Variants in PNPLA1 observed in about 807,000 individuals in gnomAD.
The protein encoded by PNPLA1 is patatin like domain 1, omega-hydroxyceramide transacylase, also known as omega-hydroxyceramide transacylase.
PNPLA1 carries 36 observed loss-of-function variants against 51.7 expected under a neutral mutation model. That is an observed-to-expected ratio of 0.70 (90% CI 0.53 to 0.92). PNPLA1 has a LOEUF of 0.92. Ranked by LOEUF, PNPLA1 falls within the 40% of genes least tolerant of loss-of-function variation. The probability of loss-of-function intolerance (pLI) is 0.00; values close to 1 mark genes in which losing one functional copy is unlikely to be tolerated. For missense variants in PNPLA1, 658 were observed against 682.5 expected (o/e 0.96, Z 0.40); for synonymous variants, 293 against 280.1 (o/e 1.05, Z -0.46).
At chr6:36,259,346 C>G (rs1304293187) in intron 1 of PNPLA1, among the ~76,000 whole-genome samples, 1 of 152,090 alleles carries the variant, frequency 6.6e-6, no homozygotes, top group East Asian at 1.9e-4. Context: ...ATCTGGGGAA[C>G]TCCTCCAAAA....
chr6:36,260,550 C>T (rs1198392224), intron 1 of PNPLA1, among the ~76,000 whole-genome samples: 2 of 152,168 alleles, frequency 1.3e-5, no homozygotes, highest in Admixed American at 1.3e-4. Flanking sequence ...CCCTACTTTC[C>T]ATCTCTTGGT....
intron 1 of PNPLA1, among the ~76,000 whole-genome samples, chr6:36,261,852 A>G (rs1400475830): frequency 6.6e-6 from 1 of 152,210 alleles, no homozygotes; most frequent in Non-Finnish European, 1.5e-5. Flanking sequence ...GTACCGCCCT[A>G]AGAAAGGCGG....
chr6:36,269,041 C>A (rs1180453684), upstream of PNPLA1, among the ~76,000 whole-genome samples: 1 of 152,200 alleles, frequency 6.6e-6, no homozygotes, highest in African/African-American at 2.4e-5. Context: ...AATGATATGC[C>A]TGGAATTACC....
chr6:36,255,115 C>G (rs548388419), intron 1 of PNPLA1, among the ~76,000 whole-genome samples: 79 of 152,284 alleles, frequency 5.2e-4, no homozygotes, highest in African/African-American at 1.7e-3. Flanking sequence ...GCCCGTAATC[C>G]CAGCACTTTG....
Position 36,270,205 on chromosome 6 carries a change from C to A in PNPLA1, c.-255C>A, listed in dbSNP as rs953140350. 6.6e-6 allele frequency among the ~76,000 whole-genome samples: 1 copy of A among 152,352 alleles called. No homozygotes were observed. The highest frequency in any genetic ancestry group is 2.1e-4 in the South Asian group (1 of 4,832). ...CAGGACCAAGACCCTGCTCACACAC[C>A]GGGGGAGCCTTCTGCATCTCATTCT... is the stretch of plus-strand genomic sequence containing the variant. On this transcript the variant is annotated 5_prime_UTR_variant, in exon 1 of 9. Transcript: ENST00000636260.
chr6:36,251,690 C>T (rs1215704655), intron 1 of PNPLA1, among the ~76,000 whole-genome samples: 3 of 152,098 alleles, frequency 2.0e-5, no homozygotes, highest in Non-Finnish European at 4.4e-5. Flanking sequence ...TAAATCCCAG[C>T]ATCTTGGGAG....
intron 2 of PNPLA1, 38 bp from the exon 3 acceptor site, chr6:36,293,023 C>G (rs368202848): frequency 1.4e-5 from 22 of 1,568,924 alleles, no homozygotes; most frequent in Non-Finnish European, 1.9e-5. Flanking sequence ...ACCCCACCCC[C>G]GGGCCTCCAG....
At chr6:36,265,271 G>A (rs554078121), upstream of PNPLA1, among the ~76,000 whole-genome samples, 8 of 152,246 alleles carry the variant, frequency 5.3e-5, no homozygotes, top group Middle Eastern at 3.4e-3. Context: ...AACCTGGGAC[G>A]CGGTGGTTGC....
chr6:36,290,776 A>C (rs555659865), intron 1 of PNPLA1, among the ~76,000 whole-genome samples: 243 of 152,284 alleles, frequency 1.6e-3, no homozygotes, highest in Admixed American at 4.7e-3. Context: ...CAATGGTTTC[A>C]AGACAAAGTT....
At chr6:36,295,567 G>A (rs1770834936) in intron 5 of PNPLA1, 143 bp downstream of exon 5, 3 of 901,618 alleles carry the variant, frequency 3.3e-6, no homozygotes, top group Middle Eastern at 3.2e-4. Context: ...AAATGGGGGT[G>A]GGGACCTAAC....
chr6:36,267,585 T>G (rs1044884298), upstream of PNPLA1, among the ~76,000 whole-genome samples: 1 of 152,112 alleles, frequency 6.6e-6, no homozygotes, highest in Admixed American at 6.5e-5. Flanking sequence ...GAAGGGGTGG[T>G]GGGTCCCCAG....
intron 6 of PNPLA1, among the ~76,000 whole-genome samples, chr6:36,306,090 A>G (rs1252699162): frequency 1.3e-5 from 2 of 152,148 alleles, no homozygotes; most frequent in African/African-American, 4.8e-5. Context: ...CAAGGGTCCG[A>G]GTCAGCCGCT....
At chr6:36,276,563 A>C (rs921013420) in intron 1 of PNPLA1, among the ~76,000 whole-genome samples, 4 of 152,212 alleles carry the variant, frequency 2.6e-5, no homozygotes, top group African/African-American at 9.6e-5. Flanking sequence ...ATCTTGTCAG[A>C]AGTGGGGTTG....
At chr6:36,258,326 C>T (rs1004135858) in intron 1 of PNPLA1, among the ~76,000 whole-genome samples, 25 of 152,292 alleles carry the variant, frequency 1.6e-4, no homozygotes, top group African/African-American at 4.8e-4. Flanking sequence ...TGGTTTTTCA[C>T]GCCAGTACAA....
rs879292667 is a variant in PNPLA1, at chr6:36,270,651, C to T, written c.192C>T (p.Cys64=). The T allele has an allele frequency of 7.7e-6, 12 of 1,550,834 alleles. No individual in the cohort carries two copies. The highest frequency in any genetic ancestry group is 1.0e-5 in the Non-Finnish European group (12 of 1,146,984). ...AGAVIAALAI[C]GIEMDEYLRV... is the part of the protein sequence containing the mutation. Reference sequence around the variant, plus strand: ...CTGTGATCGCCGCCCTGGCCATCTGCGGGATTGAAATGGGTGAGGCCTGTG... The same window carrying T: ...CTGTGATCGCCGCCCTGGCCATCTGTGGGATTGAAATGGGTGAGGCCTGTG... The change falls in exon 1 of 9, where the codon TGC becomes TGT. Residue 64 remains cysteine, a synonymous_variant. Transcript: ENST00000636260.
intron 3 of PNPLA1, 69 bp downstream of exon 3, chr6:36,293,195 T>C: frequency 1.4e-6 from 2 of 1,477,800 alleles, no homozygotes; most frequent in Admixed American, 1.7e-5. Context: ...GACTCACACC[T>C]GGGGGAGCAG....
At chr6:36,311,151 A>G (rs1322460497) in intron 8 of PNPLA1, among the ~76,000 whole-genome samples, 1 of 152,220 alleles carries the variant, frequency 6.6e-6, no homozygotes, top group Non-Finnish European at 1.5e-5. Context: ...TATTTCACAT[A>G]GTCCACCAGA....
chr6:36,307,829 T>C lies in PNPLA1; in HGVS notation c.1595+117T>C, dbSNP rs1001622541. 9.0e-6 allele frequency: 12 copies of C among 1,339,268 alleles called. No homozygotes were observed. The African/African-American group carries it at 1.0e-4, about 12-fold the overall frequency. The allele number at this position is 1,339,268 out of a possible 1,614,324, so 83.0% of individuals were successfully genotyped here. On this transcript the variant is annotated intron_variant, in intron 8 of 8. Transcript: ENST00000636260. The stretch of plus-strand genomic sequence containing the variant: ...AGGGAGTAGGGGGTGCAGTGGGAGA[T>C]TGGGCTTTGGAACAGACACATCCGA...
intron 1 of PNPLA1, among the ~76,000 whole-genome samples, chr6:36,282,078 A>T (rs1014112351): frequency 9.6e-5 from 13 of 135,088 alleles, no homozygotes; most frequent in African/African-American, 3.8e-4. Flanking sequence ...AGAAAGAAAG[A>T]AAGAAAGAAA....
Sources: allele counts gnomAD v4.1 joint callset (sites outside exome capture counted in the v4.1 genomes callset), GRCh38; gene constraint gnomAD v4.1.1; transcripts MANE v1.5; gene names NCBI Gene and HGNC (gene_info 2026-07-23, HGNC 2026-07-21).